The following DISC1 variants were observed in gnomAD, a reference collection of about 807,000 sequenced individuals.
DISC1 encodes the protein disrupted in schizophrenia 1 protein.
In DISC1, 57 loss-of-function variants were observed where a neutral mutation model predicts 84.5. That is an observed-to-expected ratio of 0.67 (90% CI 0.55 to 0.84). The LOEUF (loss-of-function observed/expected upper bound fraction) is 0.84. DISC1 is among the 40% of genes least tolerant of loss of function. The pLI, the probability that DISC1 is intolerant of heterozygous loss-of-function variation, is 0.00. For missense variants in DISC1, 1,000 were observed against 1,057.8 expected (o/e 0.95, Z 0.76); for synonymous variants, 411 against 415.2 (o/e 0.99, Z 0.12).
intron 9 of DISC1, among the ~76,000 whole-genome samples, chr1:231,876,925 G>A (rs189052462): frequency 2.3e-3 from 345 of 152,322 alleles, no homozygotes; most frequent in Non-Finnish European, 4.1e-3. Context: ...GGTGTGTACA[G>A]GGTGCCCACT....
Position 231,694,403 on chromosome 1 carries a change from C to T in DISC1, c.645C>T (p.Leu215=). The T allele has an allele frequency of 6.2e-7, 1 of 1,614,272 alleles. No individual in the cohort carries two copies. Among genetic ancestry groups the T allele is most frequent in the Non-Finnish European group, 8.5e-7 (1 of 1,180,048 alleles). Residue 215 remains leucine, a synonymous_variant, in exon 2 of 13, where the codon CTC becomes CTT. Coordinates refer to ENST00000439617, the MANE Select transcript of DISC1 (RefSeq NM_018662.3). ...AFTSSFSFIR[L]SLGSAGERGE... is the part of the protein sequence containing the mutation. Reference sequence around the variant, plus strand: ...CCTCAAGCTTTAGCTTTATTCGGCTCTCGCTTGGCTCTGCCGGGGAACGTG... The same window carrying T: ...CCTCAAGCTTTAGCTTTATTCGGCTTTCGCTTGGCTCTGCCGGGGAACGTG...
At chr1:232,017,517 C>T (rs1668596983) in intron 11 of DISC1, among the ~76,000 whole-genome samples, 1 of 135,632 alleles carries the variant, frequency 7.4e-6, no homozygotes, top group African/African-American at 2.8e-5. Flanking sequence ...TAGCCTGTGA[C>T]TTTCACTGCA....
At chr1:231,979,873 GA>G (rs1051971841) in intron 10 of DISC1, among the ~76,000 whole-genome samples, 5 of 152,024 alleles carry the variant, frequency 3.3e-5, no homozygotes, top group African/African-American at 1.2e-4. Flanking sequence ...TTAAATCGCA[GA>G]GTTTTAAAAC....
chr1:231,822,042 C>T (rs966559882), intron 9 of DISC1, among the ~76,000 whole-genome samples: 3 of 152,070 alleles, frequency 2.0e-5, no homozygotes, highest in African/African-American at 4.8e-5. Context: ...CTCAGATTTA[C>T]GCAGCAGTTT....
chr1:231,801,976 G>A (rs1408462524), intron 8 of DISC1, among the ~76,000 whole-genome samples: 6 of 151,806 alleles, frequency 4.0e-5, no homozygotes, highest in Non-Finnish European at 7.4e-5. Context: ...CCGCCACCAC[G>A]CCCGGCTAAT....
At chr1:231,851,769 A>G (rs2125901304) in intron 9 of DISC1, among the ~76,000 whole-genome samples, 1 of 152,264 alleles carries the variant, frequency 6.6e-6, no homozygotes, top group South Asian at 2.1e-4. Context: ...GGAATGCGGC[A>G]CTCATGGGCC....
intron 1 of DISC1, among the ~76,000 whole-genome samples, chr1:231,660,323 G>C (rs1226800633): frequency 6.6e-6 from 1 of 151,944 alleles, no homozygotes; most frequent in Admixed American, 6.6e-5. Flanking sequence ...CCATTTGCTT[G>C]GTAAATTTTC....
chr1:231,742,126 C>G (rs956496899), intron 3 of DISC1, among the ~76,000 whole-genome samples: 1 of 152,228 alleles, frequency 6.6e-6, no homozygotes, highest in African/African-American at 2.4e-5. Context: ...TACCCTCTCT[C>G]CCTCATCTAC....
Position 231,930,005 on chromosome 1 carries a change from G to T in DISC1, c.1982-28823G>T, listed in dbSNP as rs139186170. ...CTGCAGGTAGCGTGGGATTGACCCT[G>T]TTAGCCCTGGACATCAAGCCTGGAG... On this transcript the variant is annotated intron_variant, in intron 9 of 12. Coordinates refer to ENST00000439617, the MANE Select transcript of DISC1 (RefSeq NM_018662.3). 3.9e-5 allele frequency among the ~76,000 whole-genome samples: 6 copies of T among 152,276 alleles called. No individual in the cohort carries two copies. The East Asian group carries it at 9.7e-4, about 25-fold the overall frequency.
At chr1:231,702,124 A>T (rs967144465) in intron 3 of DISC1, 100 bp downstream of exon 3, 9 of 1,499,860 alleles carry the variant, frequency 6.0e-6, no homozygotes, top group Non-Finnish European at 6.2e-6. Context: ...GAATTGTACA[A>T]TCTGTTCCTC....
At chr1:231,922,145 A>C (rs998994871) in intron 9 of DISC1, among the ~76,000 whole-genome samples, 3 of 152,138 alleles carry the variant, frequency 2.0e-5, no homozygotes, top group African/African-American at 7.2e-5. Flanking sequence ...CTTCAGTCTC[A>C]GTTTCCTCAT....
chr1:231,732,495 T>C (rs1479209968), intron 3 of DISC1, among the ~76,000 whole-genome samples: 1 of 152,252 alleles, frequency 6.6e-6, no homozygotes, highest in African/African-American at 2.4e-5. Context: ...ATAATCATTG[T>C]AAAAATATGT....
rs147047264 is a variant in DISC1 at position 231,668,322 on chromosome 1, A to G, written c.68-25504A>G. Among the ~76,000 whole-genome samples, 103 of 152,342 alleles carry G rather than the reference A, an allele frequency of 6.8e-4. No individual in the cohort carries two copies. In the East Asian group the frequency reaches 0.018, roughly 26 times the overall value. ...GGCATTATGCTGTATAGTACAGCAT[A>G]CTGTACTTACTAGCTTAAGCTTTAG... On this transcript the variant is annotated intron_variant, in intron 1 of 12. Transcript: ENST00000439617.
chr1:231,737,936 C>T (rs1201569799), intron 3 of DISC1, among the ~76,000 whole-genome samples: 1 of 152,176 alleles, frequency 6.6e-6, no homozygotes, highest in Non-Finnish European at 1.5e-5. Flanking sequence ...CGGCTCTCTG[C>T]AACCTCTGCC....
chr1:232,039,597 G>A lies in DISC1; in HGVS notation c.*2766G>A, dbSNP rs1670696762. On this transcript the variant is annotated 3_prime_UTR_variant, in exon 13 of 13. Transcript: ENST00000439617. The stretch of plus-strand genomic sequence containing the variant: ...CGCTAAGGGCCAGCGTGCTTCTTCT[G>A]GCTACACAACCTTCTCAGGACAAGC... 6.6e-6 allele frequency: 1 copy of A among 152,024 alleles called. No individual in the cohort carries two copies. The highest frequency in any genetic ancestry group is 6.6e-5 in the Admixed American group (1 of 15,254). The allele number at this position is 152,024 out of a possible 1,614,324, so 9.4% of individuals were successfully genotyped here.
intron 10 of DISC1, among the ~76,000 whole-genome samples, chr1:231,987,919 T>G (rs1307174910): frequency 3.3e-5 from 5 of 152,186 alleles, no homozygotes. Context: ...CCTGGTATGG[T>G]GGCTTACACC....
chr1:231,887,307 G>T (rs1250907694), intron 9 of DISC1, among the ~76,000 whole-genome samples: 1 of 152,166 alleles, frequency 6.6e-6, no homozygotes, highest in Non-Finnish European at 1.5e-5. Context: ...TTCTTCTGTG[G>T]CTCCCATTTT....
At chr1:231,993,072 G>A (rs1665438185) in intron 10 of DISC1, among the ~76,000 whole-genome samples, 1 of 152,156 alleles carries the variant, frequency 6.6e-6, no homozygotes, top group East Asian at 1.9e-4. Context: ...ATGGTTGTGA[G>A]GTCAGGGAAG....
At chr1:231,793,551 A>G (rs939411960) in intron 6 of DISC1, among the ~76,000 whole-genome samples, 3 of 152,222 alleles carry the variant, frequency 2.0e-5, no homozygotes, top group African/African-American at 2.4e-5. Flanking sequence ...TCTGACCTCT[A>G]TCACTCTGCG....
Sources: allele counts gnomAD v4.1 joint callset (sites outside exome capture counted in the v4.1 genomes callset), GRCh38; gene constraint gnomAD v4.1.1; transcripts MANE v1.5; gene names NCBI Gene and HGNC (gene_info 2026-07-23, HGNC 2026-07-21).